Variants in PDE3A observed in about 807,000 individuals in gnomAD.
The protein encoded by PDE3A is cGMP-inhibited 3',5'-cyclic phosphodiesterase 3A.
Under a neutral mutation model 98.3 loss-of-function variants are expected in PDE3A, and 43 were observed. The observed-to-expected ratio is 0.44, with a 90% CI of 0.34 to 0.56. The LOEUF (loss-of-function observed/expected upper bound fraction) is 0.56, where lower values mean the gene tolerates loss of function less well. Ranked by LOEUF, PDE3A falls within the 20% of genes least tolerant of loss-of-function variation. The probability of loss-of-function intolerance (pLI) is 0.01; values close to 1 mark genes in which losing one functional copy is unlikely to be tolerated. For synonymous variants in PDE3A, 663 were observed against 567.9 expected (o/e 1.17, Z -2.38); for missense variants, 1,427 against 1,440.7 (o/e 0.99, Z 0.15).
At position 20,407,296 on chromosome 12, in the gene PDE3A, C is replaced by A. The variant is rs149175484; in HGVS notation, c.960+37052C>A. Among the ~76,000 whole-genome samples, 625 of 152,288 alleles carry A rather than the reference C, an allele frequency of 4.1e-3. 1 individual carries two copies. Among genetic ancestry groups the A allele is most frequent in the African/African-American group, 0.014 (591 of 41,554 alleles). On this transcript the variant is annotated intron_variant, in intron 1 of 15. Coordinates refer to ENST00000359062, the MANE Select transcript of PDE3A (RefSeq NM_000921.5). The stretch of plus-strand genomic sequence containing the variant: ...ATCTGTCAAAGTGCCAAACATATAG[C>A]AGGTACACAATATAATTTTGTTTTC...
chr12:20,425,004 T>C (rs933589660), intron 1 of PDE3A, among the ~76,000 whole-genome samples: 2 of 152,218 alleles, frequency 1.3e-5, no homozygotes, highest in African/African-American at 4.8e-5. Flanking sequence ...TATGTAGCAC[T>C]TCATCTTAGG....
chr12:20,383,341 A>G (rs1449827139), intron 1 of PDE3A, among the ~76,000 whole-genome samples: 3 of 151,782 alleles, frequency 2.0e-5, no homozygotes, highest in African/African-American at 7.3e-5. Context: ...CCCTTTTCTC[A>G]TTATATACCA....
chr12:20,435,127 TG>T (rs1230701889), intron 1 of PDE3A, among the ~76,000 whole-genome samples: 1 of 152,176 alleles, frequency 6.6e-6, no homozygotes, highest in Non-Finnish European at 1.5e-5. Flanking sequence ...AGAAATGTCC[TG>T]GGGGGCCTTG....
At chr12:20,528,578 C>T (rs926152420) in intron 1 of PDE3A, among the ~76,000 whole-genome samples, 4 of 152,192 alleles carry the variant, frequency 2.6e-5, no homozygotes, top group Admixed American at 2.6e-4. Context: ...AGGCCATTGT[C>T]TTCCTAGTAC....
chr12:20,487,343 G>A (rs1945746565), intron 1 of PDE3A, among the ~76,000 whole-genome samples: 2 of 151,672 alleles, frequency 1.3e-5, no homozygotes, highest in South Asian at 2.1e-4. Context: ...TTTAAAGTCA[G>A]AAAAGAAGTG....
chr12:20,577,726 C>T (rs1462061004), intron 2 of PDE3A, among the ~76,000 whole-genome samples: 2 of 152,088 alleles, frequency 1.3e-5, no homozygotes, highest in African/African-American at 4.8e-5. Flanking sequence ...TCTACTATCT[C>T]TTCTTCTTTT....
intron 1 of PDE3A, among the ~76,000 whole-genome samples, chr12:20,448,219 C>G (rs1458694170): frequency 1.3e-5 from 2 of 152,120 alleles, no homozygotes; most frequent in Non-Finnish European, 2.9e-5. Context: ...GCGGGTGGAT[C>G]ACCTGAGGTC....
rs186118472 is a variant in PDE3A, at chr12:20,551,357, G to A, written c.961-5303G>A. ...GTGACATTTGTGCAAATACTCTAAA[G>A]TTTTATATAGCCAGATCAATTTGTC... On this transcript the variant is annotated intron_variant, in intron 1 of 15. Transcript: ENST00000359062. 2.5e-4 allele frequency among the ~76,000 whole-genome samples: 38 copies of A among 151,632 alleles called. No homozygotes were observed. In the East Asian group the frequency reaches 7.2e-3, roughly 29 times the overall value.
At chr12:20,665,480 T>G (rs919605857) in intron 15 of PDE3A, among the ~76,000 whole-genome samples, 1 of 152,212 alleles carries the variant, frequency 6.6e-6, no homozygotes, top group Non-Finnish European at 1.5e-5. Context: ...CTTTTTTAAA[T>G]GCATACGTGC....
At chr12:20,401,609 C>T (rs1484581600) in intron 1 of PDE3A, among the ~76,000 whole-genome samples, 3 of 152,132 alleles carry the variant, frequency 2.0e-5, no homozygotes, top group South Asian at 2.1e-4. Context: ...TGATCTCCAA[C>T]CAGCTTAGGT....
intron 15 of PDE3A, among the ~76,000 whole-genome samples, chr12:20,667,937 C>T (rs11045376): frequency 0.5 from 76,546 of 151,912 alleles, 20,211 homozygotes; most frequent in East Asian, 0.73. Context: ...TCTGAGGTAC[C>T]GGGTTCATCT....
chr12:20,597,527 G>A (rs1565443424), intron 2 of PDE3A, among the ~76,000 whole-genome samples: 1 of 152,054 alleles, frequency 6.6e-6, no homozygotes, highest in Admixed American at 6.5e-5. Context: ...CTACTTTGAA[G>A]AGAGGTATGA....
chr12:20,682,323 T>C lies in PDE3A; in HGVS notation c.*2052T>C, dbSNP rs1486032239. On this transcript the variant is annotated 3_prime_UTR_variant, in exon 16 of 16. Coordinates refer to ENST00000359062, the MANE Select transcript of PDE3A (RefSeq NM_000921.5). ...AACCTTGATTGTGATTTCCAGTTTT[T>C]ATTTTCTCTGACGTAGTAGAAAGGA... 6.6e-6 allele frequency: 1 copy of C among 152,232 alleles called. No homozygotes were observed. The highest frequency in any genetic ancestry group is 1.5e-5 in the Non-Finnish European group (1 of 68,040). The allele number at this position is 152,232 out of a possible 1,614,324, so 9.4% of individuals were successfully genotyped here.
intron 1 of PDE3A, among the ~76,000 whole-genome samples, chr12:20,488,558 A>G (rs1276903195): frequency 6.6e-6 from 1 of 152,118 alleles, no homozygotes; most frequent in South Asian, 2.1e-4. Flanking sequence ...AGCTGGTGCA[A>G]TGGCTTACAC....
intron 1 of PDE3A, among the ~76,000 whole-genome samples, chr12:20,489,364 G>A (rs1346921859): frequency 2.0e-5 from 3 of 152,192 alleles, no homozygotes; most frequent in East Asian, 1.9e-4. Flanking sequence ...GCCCCTGACA[G>A]CAGAAGCAAG....
intron 1 of PDE3A, among the ~76,000 whole-genome samples, chr12:20,440,093 A>G (rs981638202): frequency 2.0e-5 from 3 of 152,206 alleles, no homozygotes; most frequent in African/African-American, 7.2e-5. Flanking sequence ...ATATAAATCC[A>G]AAGAAATCTA....
chr12:20,507,629 C>A (rs1946144098), intron 1 of PDE3A, among the ~76,000 whole-genome samples: 1 of 152,040 alleles, frequency 6.6e-6, no homozygotes, highest in East Asian at 1.9e-4. Flanking sequence ...ATTATTGCCT[C>A]CAAATCTGCT....
At chr12:20,628,728 TAAC>T (rs1218898510) in intron 5 of PDE3A, among the ~76,000 whole-genome samples, 13 of 152,172 alleles carry the variant, frequency 8.5e-5, no homozygotes, top group African/African-American at 2.2e-4. Flanking sequence ...TTCTCATCTT[TAAC>T]AACAACAACG....
At chr12:20,551,894 C>G in intron 1 of PDE3A, 1 of 1,613,484 alleles carries the variant, frequency 6.2e-7, no homozygotes. Context: ...GGACCCATCC[C>G]GGGGATCCCC....
Sources: allele counts gnomAD v4.1 joint callset (sites outside exome capture counted in the v4.1 genomes callset), GRCh38; gene constraint gnomAD v4.1.1; transcripts MANE v1.5; gene names NCBI Gene and HGNC (gene_info 2026-07-23, HGNC 2026-07-21).